KDM4C: variants seen among roughly 807,000 people sequenced by gnomAD.
KDM4C encodes the protein lysine-specific demethylase 4C.
A neutral mutation model predicts 129.3 loss-of-function variants in KDM4C; 81 were observed. That is an observed-to-expected ratio of 0.63 (90% CI 0.52 to 0.75). KDM4C has a LOEUF of 0.75. Among genes scored for constraint, KDM4C ranks in the 30% least tolerant of loss-of-function variants. The pLI is 0.00. For missense variants in KDM4C, 1,457 were observed against 1,304.0 expected, an observed-to-expected ratio of 1.12 and a Z score of -1.81; for synonymous variants, 573 against 456.1, an observed-to-expected ratio of 1.26 and a Z score of -3.26.
chr9:7,174,291 G>C (rs1437441626), intron 21 of KDM4C, among the ~76,000 whole-genome samples: 2 of 152,188 alleles, frequency 1.3e-5, no homozygotes. Context: ...AAAACGAGAA[G>C]ACTTTAATCT....
chr9:6,804,385 C>T lies in KDM4C; in HGVS notation c.145-1214C>T, dbSNP rs530080435. Among the ~76,000 whole-genome samples, 9 of 152,314 alleles carry T rather than the reference C, an allele frequency of 5.9e-5. No homozygotes were observed. The South Asian group carries it at 1.4e-3, about 25-fold the overall frequency. Reference sequence around the variant, plus strand: ...TAAAAGCTACAAATCAAGGTTTCCTCCACCTTTCTGGAAAGCTGGTTATTA... The same window carrying T: ...TAAAAGCTACAAATCAAGGTTTCCTTCACCTTTCTGGAAAGCTGGTTATTA... On this transcript the variant is annotated intron_variant, in intron 2 of 21. Coordinates refer to ENST00000381309, the MANE Select transcript of KDM4C (RefSeq NM_015061.6).
chr9:7,170,006 G>C (rs7022348), intron 21 of KDM4C, 116 bp downstream of exon 21: 1 of 1,557,432 alleles, frequency 6.4e-7, no homozygotes, highest in Non-Finnish European at 8.7e-7. Flanking sequence ...TCTAAAAAAA[G>C]CCAATGCAAC....
rs570405976 is a variant in KDM4C, at chr9:6,935,075, C to A, written c.921+41843C>A. On this transcript the variant is annotated intron_variant, in intron 8 of 21. Transcript: ENST00000381309. ...AAATTTTCCAGAAATTTATTAAATACGAAGTTCCTTAACTACTGACTTAGA... is the reference window on the plus strand; with the variant it reads ...AAATTTTCCAGAAATTTATTAAATAAGAAGTTCCTTAACTACTGACTTAGA... Among the ~76,000 whole-genome samples, 8 of 151,970 alleles carry A rather than the reference C, an allele frequency of 5.3e-5. No individual in the cohort carries two copies. The South Asian group carries it at 1.0e-3, about 20-fold the overall frequency.
At chr9:6,757,177 G>A (rs1408744250), upstream of KDM4C, among the ~76,000 whole-genome samples, 1 of 150,558 alleles carries the variant, frequency 6.6e-6, no homozygotes, top group African/African-American at 2.4e-5. Flanking sequence ...ACAAGTTGTA[G>A]GAAGTTAACT....
At chr9:7,097,636 G>A (rs1836594751) in intron 17 of KDM4C, among the ~76,000 whole-genome samples, 1 of 152,162 alleles carries the variant, frequency 6.6e-6, no homozygotes, top group African/African-American at 2.4e-5. Flanking sequence ...GCTGGGTGGA[G>A]GTAGGTAACC....
At chr9:6,766,191 T>A (rs1358023137) in intron 1 of KDM4C, among the ~76,000 whole-genome samples, 4 of 152,208 alleles carry the variant, frequency 2.6e-5, no homozygotes, top group African/African-American at 9.6e-5. Flanking sequence ...GAATATTGCA[T>A]TTTACTATAC....
chr9:7,058,013 T>A (rs1831103117), intron 17 of KDM4C, among the ~76,000 whole-genome samples: 2 of 152,208 alleles, frequency 1.3e-5, no homozygotes, highest in Non-Finnish European at 2.9e-5. Context: ...GCCTAGAGAA[T>A]GACTATGACC....
At chr9:7,052,891 G>GAC (rs1484243140) in intron 17 of KDM4C, among the ~76,000 whole-genome samples, 2 of 11,014 alleles carry the variant, frequency 1.8e-4, no homozygotes, top group African/African-American at 1.0e-3. Flanking sequence ...GAGAGAGAGA[G>GAC]AGAGAGAGAG....
At chr9:6,911,857 C>G (rs1049315536) in intron 8 of KDM4C, among the ~76,000 whole-genome samples, 9 of 152,082 alleles carry the variant, frequency 5.9e-5, no homozygotes, top group Non-Finnish European at 1.2e-4. Context: ...GGACTGGGCA[C>G]TGTTGCCTGA....
At chr9:7,153,845 C>T (rs145749676) in intron 19 of KDM4C, among the ~76,000 whole-genome samples, 61 of 151,370 alleles carry the variant, frequency 4.0e-4, no homozygotes, top group African/African-American at 1.5e-3. Context: ...TCAGCTGCAG[C>T]TATGGGCAAG....
At chr9:6,826,862 A>G (rs1833968614) in intron 4 of KDM4C, among the ~76,000 whole-genome samples, 1 of 147,500 alleles carries the variant, frequency 6.8e-6, no homozygotes, top group Admixed American at 6.7e-5. Context: ...GTGAAACTCC[A>G]TCTCAAAAAA....
chr9:6,985,688 T>A (rs137892295), intron 10 of KDM4C, among the ~76,000 whole-genome samples: 1,563 of 152,268 alleles, frequency 0.01, 16 homozygotes, highest in Non-Finnish European at 0.016. Context: ...TCCCTTTTTT[T>A]AAAATTTTTA....
At chr9:7,080,534 T>C (rs1834409440) in intron 17 of KDM4C, among the ~76,000 whole-genome samples, 1 of 152,206 alleles carries the variant, frequency 6.6e-6, no homozygotes, top group African/African-American at 2.4e-5. Context: ...TTAATACAAT[T>C]TATTTGAATT....
chr9:7,153,610 A>T (rs1179478483), intron 19 of KDM4C, among the ~76,000 whole-genome samples: 2 of 152,098 alleles, frequency 1.3e-5, no homozygotes, highest in Non-Finnish European at 2.9e-5. Flanking sequence ...CCAGTTTTAT[A>T]TTCCATTGTT....
chr9:6,729,198 C>CCT (rs1817243745), intron 1 of KDM4C, among the ~76,000 whole-genome samples: 4 of 49,552 alleles, frequency 8.1e-5, no homozygotes, highest in African/African-American at 3.2e-4. Context: ...AGCAAAGCTC[C>CCT]GTCTCCAAAA....
intron 6 of KDM4C, among the ~76,000 whole-genome samples, chr9:6,883,477 A>G (rs552469855): frequency 6.6e-6 from 1 of 152,262 alleles, no homozygotes; most frequent in Non-Finnish European, 1.5e-5. Context: ...CGGTTGGTAA[A>G]CTTAATTTCT....
rs187270201 is a variant in KDM4C at position 6,938,285 on chromosome 9, G to C, written c.922-42640G>C. ...ATATGTATTTGTTAAATATATTTGT[G>C]TACACTTATTCCCATGGTATAAGCC... On this transcript the variant is annotated intron_variant, in intron 8 of 21. Transcript: ENST00000381309. Among the ~76,000 whole-genome samples the C allele has an allele frequency of 2.6e-5, 4 of 152,204 alleles. No homozygotes were observed. The East Asian group carries it at 7.7e-4, about 29-fold the overall frequency.
chr9:6,949,153 C>A (rs1827591210), intron 8 of KDM4C, among the ~76,000 whole-genome samples: 2 of 150,502 alleles, frequency 1.3e-5, no homozygotes, highest in African/African-American at 4.9e-5. Flanking sequence ...GGCGGAGGGG[C>A]TCCTCACTTC....
At chr9:6,786,986 C>T (rs1191611079) in intron 1 of KDM4C, among the ~76,000 whole-genome samples, 1 of 152,040 alleles carries the variant, frequency 6.6e-6, no homozygotes, top group East Asian at 1.9e-4. Context: ...TTATGATTAT[C>T]CTATATTAAC....
Sources: gnomAD v4.1 joint callset for allele counts (sites outside exome capture counted in the v4.1 genomes callset) on GRCh38, gnomAD v4.1.1 for gene constraint, MANE v1.5 for transcripts, NCBI Gene and HGNC (gene_info 2026-07-23, HGNC 2026-07-21) for gene names.